The following PCDHA7 variants were observed in gnomAD, a reference collection of about 807,000 sequenced individuals.
PCDHA7 encodes the protein protocadherin alpha-7.
Under a neutral mutation model 57.2 loss-of-function variants are expected in PCDHA7, and 37 were observed. That is an observed-to-expected ratio of 0.65 (90% confidence interval 0.50 to 0.85). PCDHA7 has a LOEUF of 0.85. Among genes scored for constraint, PCDHA7 ranks in the 40% least tolerant of loss-of-function variants. The pLI is 0.00. For missense variants in PCDHA7, 1,188 were observed against 1,241.8 expected, an observed-to-expected ratio of 0.96 and a Z score of 0.65; for synonymous variants, 553 against 558.8, an observed-to-expected ratio of 0.99 and a Z score of 0.15.
chr5:140,997,221 T>C (rs2097763900), intron 3 of PCDHA7, among the ~76,000 whole-genome samples: 1 of 152,152 alleles, frequency 6.6e-6, no homozygotes, highest in Admixed American at 6.5e-5. Context: ...GAAACTATCA[T>C]TACCACCCAA....
rs376026810 is a variant in PCDHA7 at position 140,944,280 on chromosome 5, C to T, written c.2356-34669C>T. 2.0e-4 allele frequency among the ~76,000 whole-genome samples: 31 copies of T among 152,226 alleles called. 1 individual carries two copies. The South Asian group carries it at 2.9e-3, about 14-fold the overall frequency. Reference sequence around the variant, plus strand: ...ACTGCTCACTGCAGCCTTGACACCCCGGGCTCAAGCGATCCTCCTACCTCA... The same window carrying T: ...ACTGCTCACTGCAGCCTTGACACCCTGGGCTCAAGCGATCCTCCTACCTCA... On this transcript the variant is annotated intron_variant, in intron 1 of 3. Coordinates refer to ENST00000525929, the MANE Select transcript of PCDHA7 (RefSeq NM_018910.3).
chr5:140,898,422 C>T (rs1554187981), intron 1 of PCDHA7, among the ~76,000 whole-genome samples: 2 of 152,278 alleles, frequency 1.3e-5, no homozygotes, highest in East Asian at 3.9e-4. Context: ...AGCCAGTTTT[C>T]CCAGCACCAT....
intron 1 of PCDHA7, among the ~76,000 whole-genome samples, chr5:140,956,920 T>C (rs2095320734): frequency 1.3e-5 from 2 of 152,120 alleles, no homozygotes; most frequent in Non-Finnish European, 2.9e-5. Flanking sequence ...ACTTTAATCT[T>C]GCTGGATATA....
intron 1 of PCDHA7, chr5:140,843,500 C>T: frequency 1.3e-6 from 2 of 1,596,010 alleles, no homozygotes; most frequent in South Asian, 1.1e-5. Flanking sequence ...CTCAGCACTG[C>T]CCACTGAGGG....
At chr5:140,935,840 G>T (rs155359) in intron 1 of PCDHA7, among the ~76,000 whole-genome samples, 87,412 of 151,068 alleles carry the variant, frequency 0.58, 26,203 homozygotes, top group African/African-American at 0.75. Context: ...ATTCCATACT[G>T]CTTAATGGTG....
chr5:140,941,202 C>CTTT (rs1554213921), intron 1 of PCDHA7, among the ~76,000 whole-genome samples: 9,869 of 122,696 alleles, frequency 0.08, 560 homozygotes, highest in East Asian at 0.13. Flanking sequence ...TTTCTTTCTT[C>CTTT]CTTTCTTTCT....
chr5:141,008,530 A>G (rs1176119695), intron 3 of PCDHA7, among the ~76,000 whole-genome samples: 2 of 152,128 alleles, frequency 1.3e-5, no homozygotes, highest in African/African-American at 4.8e-5. Context: ...ACTCTTGGGA[A>G]TGTCTTTTAT....
intron 1 of PCDHA7, among the ~76,000 whole-genome samples, chr5:140,952,671 A>C (rs1429468287): frequency 6.6e-6 from 1 of 152,176 alleles, no homozygotes; most frequent in Admixed American, 6.5e-5. Context: ...AGTCACTTTC[A>C]CATTTTCAGG....
At chr5:140,882,013 A>G (rs2058902739) in intron 1 of PCDHA7, 1 of 534,534 alleles carries the variant, frequency 1.9e-6, no homozygotes, top group African/African-American at 1.9e-5. Flanking sequence ...GCAAAAAAAT[A>G]CTACATCAAT....
intron 1 of PCDHA7, chr5:140,929,724 TA>T (rs2086341478): frequency 4.6e-6 from 1 of 218,158 alleles, no homozygotes; most frequent in Admixed American, 5.9e-5. Flanking sequence ...GTGAAACATT[TA>T]CTTAAACTAT....
chr5:140,965,821 C>T (rs782710036), intron 1 of PCDHA7, among the ~76,000 whole-genome samples: 9 of 152,150 alleles, frequency 5.9e-5, no homozygotes, highest in Non-Finnish European at 1.0e-4. Flanking sequence ...GCATTTTAAA[C>T]ATTTAAATAT....
intron 1 of PCDHA7, among the ~76,000 whole-genome samples, chr5:140,895,223 G>A (rs782692616): frequency 4.0e-4 from 61 of 152,232 alleles, no homozygotes; most frequent in Admixed American, 2.6e-4. Flanking sequence ...ATATTTTACT[G>A]AGTTTTCTCA....
intron 3 of PCDHA7, among the ~76,000 whole-genome samples, chr5:140,994,564 G>A (rs1554254259): frequency 6.6e-6 from 1 of 152,070 alleles, no homozygotes; most frequent in Non-Finnish European, 1.5e-5. Flanking sequence ...AATTAGCCGG[G>A]TGTGGTGGCA....
At chr5:140,967,206 G>A in intron 1 of PCDHA7, 2 of 1,613,644 alleles carry the variant, frequency 1.2e-6, no homozygotes, top group South Asian at 2.2e-5. Flanking sequence ...AACTCACCGC[G>A]TTTCCCGCGG....
At chr5:141,009,459 A>T in intron 3 of PCDHA7, 168 bp from the exon 4 acceptor site, 3 of 950,878 alleles carry the variant, frequency 3.2e-6, no homozygotes, top group Non-Finnish European at 3.8e-6. Context: ...AATTAAACAA[A>T]TAAATAAATA....
rs1554140265 is a variant in PCDHA7 at position 140,843,611 on chromosome 5, C to T, written c.2355+6873C>T. ...GCAGAGGGTGTGCTCTGGTGAGGGG[C>T]CACCGAAGACGGACCTCATGGCCTT... On this transcript the variant is annotated intron_variant, in intron 1 of 3. Coordinates refer to ENST00000525929, the MANE Select transcript of PCDHA7 (RefSeq NM_018910.3). 7 of 1,595,892 alleles carry T rather than the reference C, an allele frequency of 4.4e-6. 1 individual carries two copies. Among genetic ancestry groups the T allele is most frequent in the Non-Finnish European group, 6.0e-6 (7 of 1,165,418 alleles).
In PCDHA7 at chr5:140,835,731, G is replaced by GA; in HGVS notation, c.1349dup (p.Asp450GlufsTer149). On this transcript the variant is annotated frameshift_variant, in exon 1 of 4. Coordinates refer to ENST00000525929, the MANE Select transcript of PCDHA7 (RefSeq NM_018910.3). LOFTEE classifies it high-confidence loss of function. ...GTCCGTGGAGGTGGCCGACGTGAAC[G>GA]ACAACGCCCCGGCGTTCGCGCAGCC... is the stretch of plus-strand genomic sequence containing the variant. The GA allele has an allele frequency of 6.2e-7, 1 of 1,613,790 alleles. No homozygotes were observed. The highest frequency in any genetic ancestry group is 8.5e-7 in the Non-Finnish European group (1 of 1,179,862).
chr5:141,009,686 A>G lies in PCDHA7; in HGVS notation c.2563A>G (p.Thr855Ala). Residue 855 changes from threonine to alanine, a missense_variant, in exon 4 of 4, where the codon ACC becomes GCC. Thr to Ala is a moderately conservative substitution (Grantham distance 58). Around this residue, in one of 3 missense-constraint regions of PCDHA7, gnomAD observed 892 missense variants for 788.5 expected, o/e 1.13. Coordinates refer to ENST00000525929, the MANE Select transcript of PCDHA7 (RefSeq NM_018910.3). ...VGAGVNSNSW[T>A]FKYGPGNPKQ... ...TGCGGGTGTCAACAGCAACAGCTGG[A>G]CCTTTAAATACGGACCAGGCAACCC... is the stretch of plus-strand genomic sequence containing the variant. The G allele has an allele frequency of 6.2e-7, 1 of 1,613,998 alleles. No homozygotes were observed. The highest frequency in any genetic ancestry group is 8.5e-7 in the Non-Finnish European group (1 of 1,179,996).
At chr5:140,942,418 A>G (rs1554214971) in intron 1 of PCDHA7, among the ~76,000 whole-genome samples, 2 of 152,146 alleles carry the variant, frequency 1.3e-5, no homozygotes, top group South Asian at 2.1e-4. Flanking sequence ...TTAAAAAAAA[A>G]AAAGATATCT....
Sources: gnomAD v4.1 joint callset for allele counts (sites outside exome capture counted in the v4.1 genomes callset) on GRCh38, gnomAD v4.1.1 for gene constraint, gnomAD v4.1.1 regional missense constraint, MANE v1.5 for transcripts, NCBI Gene and HGNC (gene_info 2026-07-23, HGNC 2026-07-21) for gene names.